Variants in CFAP54 observed in about 807,000 individuals in gnomAD.
The protein encoded by CFAP54 is cilia and flagella associated protein 54, also known as cilia- and flagella-associated protein 54.
CFAP54 carries 290 observed loss-of-function variants against 370.4 expected under a neutral mutation model. That is an observed-to-expected ratio of 0.78 (90% confidence interval 0.71 to 0.86). The LOEUF (loss-of-function observed/expected upper bound fraction) is 0.86. CFAP54 is among the 40% of genes least tolerant of loss of function. The pLI, the probability that CFAP54 is intolerant of heterozygous loss-of-function variation, is 0.00. For synonymous variants in CFAP54, 1,206 were observed against 1,236.5 expected (o/e 0.98, Z 0.52); for missense variants, 3,399 against 3,528.7 (o/e 0.96, Z 0.93).
chr12:96,590,994 C>T lies in CFAP54; in HGVS notation c.3212+1431C>T, dbSNP rs554176083. On this transcript the variant is annotated intron_variant, in intron 23 of 67. Coordinates refer to ENST00000524981, the MANE Select transcript of CFAP54 (RefSeq NM_001306084.2). Reference sequence around the variant, plus strand: ...ATGAATGGTATCTCCCAGGAAACGACTGTTTAACAGAAAAGACAGAAGGCC... The same window carrying T: ...ATGAATGGTATCTCCCAGGAAACGATTGTTTAACAGAAAAGACAGAAGGCC... Among the ~76,000 whole-genome samples the T allele has an allele frequency of 1.4e-4, 22 of 152,148 alleles. No homozygotes were observed. The East Asian group carries it at 2.7e-3, about 19-fold the overall frequency.
intron 24 of CFAP54, among the ~76,000 whole-genome samples, chr12:96,593,166 T>C (rs1271388739): frequency 6.6e-6 from 1 of 152,208 alleles, no homozygotes; most frequent in African/African-American, 2.4e-5. Context: ...GAATGTAACC[T>C]ATCTCCTATT....
rs535053383 is a variant in CFAP54, at chr12:96,502,396, T to TAAA, written c.424-1469_424-1467dup. ...GGGTAACATGGCGAAACACTGTCCC[T>TAAA]AAAAAAAAAAAAAAAAAAAAAAAGG... On this transcript the variant is annotated intron_variant, in intron 2 of 67. Transcript: ENST00000524981. Among the ~76,000 whole-genome samples the TAAA allele has an allele frequency of 2.7e-3, 187 of 68,538 alleles. 3 individuals are homozygous for TAAA. Among genetic ancestry groups the TAAA allele is most frequent in the South Asian group, 5.6e-3 (8 of 1,416 alleles). 45.0% of individuals were successfully genotyped at this position (68,538 alleles called of 152,430 possible). A position where few individuals can be genotyped will look rare whatever the true frequency, so the allele number is the denominator to read the frequency against.
chr12:96,852,956 C>G (rs34446), intron 66 of CFAP54, among the ~76,000 whole-genome samples: 22,156 of 151,942 alleles, frequency 0.15, 1,960 homozygotes, highest in Middle Eastern at 0.27. Context: ...CTGTTTTAAA[C>G]AGAAATTGTC....
intron 38 of CFAP54, 62 bp downstream of exon 38, chr12:96,658,408 A>G (rs1437097182): frequency 6.4e-7 from 1 of 1,552,398 alleles, no homozygotes; most frequent in African/African-American, 1.4e-5. Context: ...CACATATAAA[A>G]TACAAAGATT....
intron 32 of CFAP54, among the ~76,000 whole-genome samples, chr12:96,634,674 C>T (rs1481409851): frequency 2.6e-5 from 4 of 152,068 alleles, no homozygotes; most frequent in South Asian, 2.1e-4. Context: ...TTTGCCTAAT[C>T]GTAGGTCCTT....
At chr12:96,590,692 AAG>A (rs901984958) in intron 23 of CFAP54, among the ~76,000 whole-genome samples, 76 of 152,360 alleles carry the variant, frequency 5.0e-4, no homozygotes, top group African/African-American at 1.7e-3. Flanking sequence ...TTGTGGGGAT[AAG>A]AGAGAAAGGA....
chr12:96,527,555 T>C (rs1352924556), intron 9 of CFAP54, 111 bp downstream of exon 9: 6 of 649,380 alleles, frequency 9.2e-6, no homozygotes, highest in African/African-American at 1.9e-5. Context: ...TATTGTTTTT[T>C]TTTTTTTGTT....
chr12:96,615,294 A>C (rs1175349279), intron 26 of CFAP54, among the ~76,000 whole-genome samples: 2 of 152,262 alleles, frequency 1.3e-5, no homozygotes, highest in African/African-American at 2.4e-5. Context: ...GGTGCTGGGA[A>C]AACTTGCTAG....
At chr12:96,627,407 A>T (rs547116609) in intron 30 of CFAP54, among the ~76,000 whole-genome samples, 20 of 152,256 alleles carry the variant, frequency 1.3e-4, no homozygotes, top group Non-Finnish European at 2.2e-4. Context: ...AGCCTGAATG[A>T]TTCTCTTTGC....
chr12:96,864,569 T>G (rs568425963), intron 67 of CFAP54, among the ~76,000 whole-genome samples: 3 of 152,270 alleles, frequency 2.0e-5, no homozygotes, highest in South Asian at 4.2e-4. Context: ...GGTTTCTGCC[T>G]GCAGTCTGCA....
At chr12:96,641,264 A>G (rs1205886675) in intron 32 of CFAP54, among the ~76,000 whole-genome samples, 1 of 152,226 alleles carries the variant, frequency 6.6e-6, no homozygotes, top group Non-Finnish European at 1.5e-5. Context: ...ACAAGTGGGC[A>G]AAGGATATGA....
chr12:96,543,816 C>A (rs1955605753), intron 14 of CFAP54, among the ~76,000 whole-genome samples: 1 of 152,100 alleles, frequency 6.6e-6, no homozygotes, highest in African/African-American at 2.4e-5. Context: ...GATGGAGTCT[C>A]TTTTGCTTCT....
chr12:96,689,280 C>T (rs868087364), intron 43 of CFAP54, among the ~76,000 whole-genome samples: 1 of 152,054 alleles, frequency 6.6e-6, no homozygotes. Context: ...TGTGCCTCAG[C>T]CTCATAAGTG....
In CFAP54 at chr12:96,489,712, C is replaced by T. The variant is rs1833088463; in HGVS notation, c.103C>T (p.Pro35Ser). Residue 35 changes from proline to serine, a missense_variant, in exon 1 of 68, where the codon CCC becomes TCC. Coordinates refer to ENST00000524981, the MANE Select transcript of CFAP54 (RefSeq NM_001306084.2). ...PPTSTATSRS[P>S]PESKGSSRSS... ...GACCTCCACCGCGACTTCGAGGTCGCCCCCAGAGTCGAAGGGGAGCTCCCG... is the reference window on the plus strand; with the variant it reads ...GACCTCCACCGCGACTTCGAGGTCGTCCCCAGAGTCGAAGGGGAGCTCCCG... The T allele has an allele frequency of 6.5e-7, 1 of 1,536,068 alleles. No individual in the cohort carries two copies. Among genetic ancestry groups the T allele is most frequent in the Non-Finnish European group, 8.7e-7 (1 of 1,146,870 alleles).
chr12:96,851,073 T>C (rs978507577), intron 66 of CFAP54, among the ~76,000 whole-genome samples: 4 of 152,212 alleles, frequency 2.6e-5, no homozygotes, highest in Non-Finnish European at 5.9e-5. Context: ...CTTTACCTTT[T>C]AATGCTATCA....
intron 19 of CFAP54, among the ~76,000 whole-genome samples, chr12:96,569,944 G>C (rs1255735502): frequency 6.6e-6 from 1 of 151,700 alleles, no homozygotes; most frequent in Non-Finnish European, 1.5e-5. Context: ...TTTTTTAGGG[G>C]GGAAGAATAT....
chr12:96,621,659 A>C lies in CFAP54; in HGVS notation c.3709A>C (p.Ile1237Leu). Residue 1237 changes from isoleucine (I) to leucine (L), a missense_variant, in exon 27 of 68, where the codon ATC (isoleucine) becomes CTC (leucine). Physicochemically the swap from Ile to Leu is conservative, Grantham distance 5. Coordinates refer to ENST00000524981, the MANE Select transcript of CFAP54 (RefSeq NM_001306084.2). ...IINYGKKMLD[I>L]TPGCKSLFDG... ...AAATTATGGGAAAAAAATGTTGGAC[A>C]TCACACCAGGATGCAAGTCTCTGTT... 6.5e-7 allele frequency: 1 copy of C among 1,529,266 alleles called. No individual in the cohort carries two copies. Among genetic ancestry groups the C allele is most frequent in the Non-Finnish European group, 8.8e-7 (1 of 1,142,472 alleles). The allele number at this position is 1,529,266 out of a possible 1,614,324, so 94.7% of individuals were successfully genotyped here.
At chr12:96,796,649 A>AT (rs1449503818) in intron 63 of CFAP54, among the ~76,000 whole-genome samples, 1 of 152,070 alleles carries the variant, frequency 6.6e-6, no homozygotes, top group African/African-American at 2.4e-5. Flanking sequence ...ATGTTCTATC[A>AT]TTTTTGTTTA....
At chr12:96,644,063 G>T in intron 32 of CFAP54, 115 bp from the exon 33 acceptor site, 1 of 696,560 alleles carries the variant, frequency 1.4e-6, no homozygotes, top group Non-Finnish European at 2.4e-6. Flanking sequence ...AGAAACATTA[G>T]CATAAGGGCA....
Sources: allele counts gnomAD v4.1 joint callset (sites outside exome capture counted in the v4.1 genomes callset), GRCh38; gene constraint gnomAD v4.1.1; transcripts MANE v1.5; gene names NCBI Gene and HGNC (gene_info 2026-07-23, HGNC 2026-07-21).